TYW1B: variants seen among roughly 807,000 people sequenced by gnomAD.
The protein encoded by TYW1B is tRNA-yW synthesizing protein 1 homolog B, also known as S-adenosyl-L-methionine-dependent tRNA 4-demethylwyosine synthase TYW1B.
Under a neutral mutation model 86.9 loss-of-function variants are expected in TYW1B, and 73 were observed. That is an observed-to-expected ratio of 0.84 (90% CI 0.70 to 1.02). The LOEUF (loss-of-function observed/expected upper bound fraction) is 1.02. Ranked by LOEUF, TYW1B falls within the 50% of genes least tolerant of loss-of-function variation. The probability of loss-of-function intolerance (pLI) is 0.00; values close to 1 mark genes in which losing one functional copy is unlikely to be tolerated. For synonymous variants in TYW1B, 248 were observed against 292.8 expected (o/e 0.85, Z 1.56); for missense variants, 637 against 827.4 (o/e 0.77, Z 2.82).
intron 4 of TYW1B, among the ~76,000 whole-genome samples, chr7:72,809,790 A>T (rs1336300174): frequency 1.3e-5 from 2 of 152,192 alleles, no homozygotes; most frequent in African/African-American, 4.8e-5. Flanking sequence ...ACCTGAGGTC[A>T]GGAGTTCAAA....
chr7:72,632,463 A>T (rs191995404), intron 11 of TYW1B, among the ~76,000 whole-genome samples: 1 of 109,898 alleles, frequency 9.1e-6, no homozygotes, highest in African/African-American at 4.4e-5. Context: ...ATATATATAC[A>T]TATATATATA....
At chr7:72,687,391 A>G (rs35751691) in intron 11 of TYW1B, among the ~76,000 whole-genome samples, 1 of 152,182 alleles carries the variant, frequency 6.6e-6, no homozygotes, top group Non-Finnish European at 1.5e-5. Flanking sequence ...CAAAGATCAC[A>G]CCATTGCACT....
intron 13 of TYW1B, among the ~76,000 whole-genome samples, chr7:72,598,970 A>C (rs1356281291): frequency 6.6e-6 from 1 of 152,200 alleles, no homozygotes; most frequent in Non-Finnish European, 1.5e-5. Context: ...TTAAGAAAGG[A>C]ATAACATCCA....
intron 6 of TYW1B, among the ~76,000 whole-genome samples, chr7:72,783,840 G>A (rs192012129): frequency 1.3e-5 from 2 of 152,340 alleles, no homozygotes; most frequent in East Asian, 3.9e-4. Flanking sequence ...TAAGGGCAGC[G>A]TATTGGGGTT....
At chr7:72,729,838 G>C (rs1409269901) in intron 8 of TYW1B, among the ~76,000 whole-genome samples, 1 of 151,998 alleles carries the variant, frequency 6.6e-6, no homozygotes, top group Non-Finnish European at 1.5e-5. Context: ...ACCAGAAATA[G>C]CACAAGCTCC....
At chr7:72,669,666 A>G (rs1298814969) in intron 11 of TYW1B, among the ~76,000 whole-genome samples, 3 of 151,918 alleles carry the variant, frequency 2.0e-5, no homozygotes, top group Non-Finnish European at 2.9e-5. Context: ...GCTACTTGGG[A>G]AGCTGAGGCA....
chr7:72,771,932 T>A (rs1787875426), intron 7 of TYW1B, among the ~76,000 whole-genome samples: 1 of 151,814 alleles, frequency 6.6e-6, no homozygotes, highest in African/African-American at 2.4e-5. Context: ...CTGCAACCTC[T>A]GCCTCCCGGG....
intron 7 of TYW1B, among the ~76,000 whole-genome samples, chr7:72,764,274 A>G (rs1787735324): frequency 6.6e-6 from 1 of 152,102 alleles, no homozygotes. Context: ...TTTTTATGAA[A>G]ATGACTTCAA....
At chr7:72,768,897 T>C (rs143367731) in intron 7 of TYW1B, 5 of 347,392 alleles carry the variant, frequency 1.4e-5, no homozygotes, top group African/African-American at 1.1e-4. Context: ...GTTGGAAGAC[T>C]ATTTGAATTT....
At chr7:72,712,378 G>A (rs1260252104) in intron 10 of TYW1B, among the ~76,000 whole-genome samples, 1 of 152,108 alleles carries the variant, frequency 6.6e-6, no homozygotes, top group Non-Finnish European at 1.5e-5. Context: ...GCCCAGGCTG[G>A]AGTGCAATGG....
chr7:72,721,317 A>G (rs13227199), intron 9 of TYW1B, among the ~76,000 whole-genome samples: 3 of 152,182 alleles, frequency 2.0e-5, no homozygotes, highest in African/African-American at 7.2e-5. Flanking sequence ...TTGAGGAATC[A>G]CTACACTGTC....
chr7:72,579,394 G>A (rs1414937226), intron 13 of TYW1B, among the ~76,000 whole-genome samples: 1 of 152,210 alleles, frequency 6.6e-6, no homozygotes, highest in African/African-American at 2.4e-5. Context: ...GGAAGACCAA[G>A]TAAATGCAGG....
chr7:72,793,805 G>A (rs1292457678), intron 6 of TYW1B, among the ~76,000 whole-genome samples: 45 of 151,592 alleles, frequency 3.0e-4, no homozygotes, highest in Admixed American at 3.0e-3. Context: ...AAAGAGTAGA[G>A]AGCATGGAGG....
At chr7:72,652,378 A>G (rs1295522171) in intron 11 of TYW1B, among the ~76,000 whole-genome samples, 29 of 33,900 alleles carry the variant, frequency 8.6e-4, no homozygotes, top group African/African-American at 1.9e-3. Context: ...ACTCTGTCTG[A>G]AAAAAAAAAA....
At chr7:72,627,461 A>ATAACG (rs1303658457) in intron 12 of TYW1B, among the ~76,000 whole-genome samples, 1,312 of 65,186 alleles carry the variant, frequency 0.02, 29 homozygotes, top group African/African-American at 0.072. Context: ...AAACAGTAAC[A>ATAACG]TAACATAACA....
chr7:72,647,544 C>T (rs879949681), intron 11 of TYW1B, among the ~76,000 whole-genome samples: 4 of 152,122 alleles, frequency 2.6e-5, no homozygotes, highest in African/African-American at 4.8e-5. Flanking sequence ...ACAATGGTCA[C>T]GAAACCCAAC....
chr7:72,776,140 C>T (rs34220807), intron 7 of TYW1B, among the ~76,000 whole-genome samples: 104,243 of 151,634 alleles, frequency 0.69, 36,730 homozygotes, highest in Non-Finnish European at 0.77. Flanking sequence ...GAGCAAGACC[C>T]GACTCAACCA....
chr7:72,646,024 G>A (rs1812921147), intron 11 of TYW1B, among the ~76,000 whole-genome samples: 1 of 145,586 alleles, frequency 6.9e-6, no homozygotes, highest in South Asian at 2.2e-4. Flanking sequence ...AGTACTGGGA[G>A]GAGGCATCCA....
chr7:72,609,064 C>T (rs765348283), intron 13 of TYW1B, among the ~76,000 whole-genome samples: 17 of 152,176 alleles, frequency 1.1e-4, no homozygotes, highest in Non-Finnish European at 2.4e-4. Context: ...AAGACGTTAT[C>T]ACTGGGGGAA....
Sources: allele counts gnomAD v4.1 joint callset (sites outside exome capture counted in the v4.1 genomes callset), GRCh38; gene constraint gnomAD v4.1.1; transcripts MANE v1.5; gene names NCBI Gene and HGNC (gene_info 2026-07-23, HGNC 2026-07-21).